RAPGEF6: variants seen among roughly 807,000 people sequenced by gnomAD.
RAPGEF6 encodes PDZ domain containing guanine nucleotide exchange factor (GEF) 2.
Under a neutral mutation model 171.4 loss-of-function variants are expected in RAPGEF6, and 56 were observed. The observed-to-expected ratio is 0.33, with a 90% confidence interval of 0.26 to 0.41. RAPGEF6 has a LOEUF of 0.41. Ranked by LOEUF, RAPGEF6 falls within the 10% of genes least tolerant of loss-of-function variation. The pLI is 1.00. For missense variants in RAPGEF6, 1,674 were observed against 1,921.4 expected (o/e 0.87, Z 2.41); for synonymous variants, 692 against 650.1 (o/e 1.06, Z -0.98).
At chr5:131,526,763 AT>A (rs1242589190) in intron 6 of RAPGEF6, among the ~76,000 whole-genome samples, 1 of 151,770 alleles carries the variant, frequency 6.6e-6, no homozygotes, top group Non-Finnish European at 1.5e-5. Context: ...AAAACTTCCC[AT>A]TTTCCACAGC....
chr5:131,460,112 A>G (rs142160678), intron 19 of RAPGEF6, among the ~76,000 whole-genome samples: 128 of 152,346 alleles, frequency 8.4e-4, no homozygotes, highest in African/African-American at 3.0e-3. Context: ...TACATGAGCT[A>G]TGAAAATGTG....
intron 5 of RAPGEF6, among the ~76,000 whole-genome samples, chr5:131,557,250 A>AG (rs35096731): frequency 0.78 from 118,750 of 152,070 alleles, 46,709 homozygotes; most frequent in African/African-American, 0.84. Context: ...ACTGATTTAA[A>AG]AAGATCTAAA....
chr5:131,488,049 T>G (rs1211490336), intron 15 of RAPGEF6, among the ~76,000 whole-genome samples: 1 of 152,144 alleles, frequency 6.6e-6, no homozygotes, highest in Admixed American at 6.5e-5. Context: ...TTCTCCTTGG[T>G]GTTTTGCTTT....
At chr5:131,521,702 A>C (rs1159576832) in intron 6 of RAPGEF6, among the ~76,000 whole-genome samples, 181 bp from the exon 7 acceptor site, 1 of 152,126 alleles carries the variant, frequency 6.6e-6, no homozygotes, top group African/African-American at 2.4e-5. Context: ...TGAAACTATT[A>C]GACAATCCTA....
chr5:131,531,593 T>A (rs1580981183), intron 6 of RAPGEF6, among the ~76,000 whole-genome samples: 1 of 152,212 alleles, frequency 6.6e-6, no homozygotes, highest in African/African-American at 2.4e-5. Flanking sequence ...TTTCATATAA[T>A]TGATTTTCAT....
intron 15 of RAPGEF6, among the ~76,000 whole-genome samples, chr5:131,487,038 G>T (rs1755941623): frequency 6.6e-6 from 1 of 152,082 alleles, no homozygotes; most frequent in Non-Finnish European, 1.5e-5. Flanking sequence ...GTCCAGAGTT[G>T]GTTCCTTCCG....
intron 17 of RAPGEF6, 114 bp from the exon 18 acceptor site, chr5:131,464,395 T>C (rs1391548421): frequency 1.4e-5 from 11 of 758,980 alleles, no homozygotes; most frequent in Non-Finnish European, 2.2e-5. Flanking sequence ...TACATTTCTA[T>C]TTCACAATAT....
chr5:131,472,274 T>C (rs1754796910), intron 17 of RAPGEF6: 2 of 356,346 alleles, frequency 5.6e-6, no homozygotes, highest in Admixed American at 3.8e-5. Flanking sequence ...TGTTTCACCA[T>C]GTTAGCCAGG....
chr5:131,484,134 C>T (rs1277787168), intron 15 of RAPGEF6, among the ~76,000 whole-genome samples: 18 of 146,858 alleles, frequency 1.2e-4, no homozygotes, highest in Admixed American at 1.2e-3. Flanking sequence ...AAAGAAATGC[C>T]AAAACACACA....
chr5:131,614,824 T>C lies in RAPGEF6; in HGVS notation c.70-10131A>G, dbSNP rs542915059. Among the ~76,000 whole-genome samples the C allele has an allele frequency of 3.9e-5, 6 of 152,378 alleles. No homozygotes were observed. The South Asian group carries it at 6.2e-4, about 16-fold the overall frequency. On this transcript the variant is annotated intron_variant, in intron 1 of 27. Coordinates refer to ENST00000509018, the MANE Select transcript of RAPGEF6 (RefSeq NM_016340.6). ...GCCTGTTTTTCTAGTATCCCAAGCC[T>C]AGCCCCAAGTCTGGTTTTCCAGTAT... is the stretch of plus-strand genomic sequence containing the variant.
intron 17 of RAPGEF6, among the ~76,000 whole-genome samples, chr5:131,465,700 T>C (rs1283561117): frequency 2.0e-5 from 3 of 152,100 alleles, no homozygotes; most frequent in South Asian, 2.1e-4. Context: ...GGAGCATCAC[T>C]TGAGCCTGGG....
intron 19 of RAPGEF6, among the ~76,000 whole-genome samples, chr5:131,456,935 G>A (rs186882751): frequency 3.9e-5 from 6 of 152,122 alleles, no homozygotes; most frequent in South Asian, 2.1e-4. Context: ...AAAAATAGTC[G>A]AGGTCAAACA....
intron 6 of RAPGEF6, among the ~76,000 whole-genome samples, 162 bp downstream of exon 6, chr5:131,547,885 A>C (rs891777763): frequency 5.9e-5 from 9 of 152,140 alleles, no homozygotes; most frequent in South Asian, 2.1e-4. Context: ...ATTCCTAACC[A>C]ATTCAACCAA....
intron 24 of RAPGEF6, chr5:131,435,751 C>A (rs186692017): frequency 9.2e-7 from 1 of 1,088,982 alleles, no homozygotes. Context: ...ATAAAGTCAA[C>A]TACAGAAAAC....
chr5:131,502,988 A>T (rs183082141), intron 11 of RAPGEF6, among the ~76,000 whole-genome samples: 2 of 152,212 alleles, frequency 1.3e-5, no homozygotes, highest in Admixed American at 1.3e-4. Flanking sequence ...TTTTTAGTAG[A>T]AATAGGGTTT....
chr5:131,536,671 T>A (rs1019762323), intron 6 of RAPGEF6, among the ~76,000 whole-genome samples: 13 of 152,164 alleles, frequency 8.5e-5, no homozygotes, highest in African/African-American at 3.1e-4. Context: ...TAAGCTTCTA[T>A]AATTAGAATC....
chr5:131,618,492 G>C (rs943988437), intron 1 of RAPGEF6, among the ~76,000 whole-genome samples: 2 of 151,984 alleles, frequency 1.3e-5, no homozygotes, highest in African/African-American at 4.8e-5. Context: ...ACAAAAATTA[G>C]CCGGGTGTGA....
intron 4 of RAPGEF6, among the ~76,000 whole-genome samples, chr5:131,587,393 G>A (rs2149998243): frequency 6.6e-6 from 1 of 152,338 alleles, no homozygotes; most frequent in East Asian, 1.9e-4. Flanking sequence ...CAGGAAACTG[G>A]TGTTGAGGAA....
intron 24 of RAPGEF6, among the ~76,000 whole-genome samples, chr5:131,438,105 C>T (rs1370151930): frequency 7.0e-5 from 8 of 114,570 alleles, no homozygotes; most frequent in Non-Finnish European, 9.5e-5. Context: ...TCTCCTGCCT[C>T]GGCCTCCTGA....
Sources: gnomAD v4.1 joint callset for allele counts (sites outside exome capture counted in the v4.1 genomes callset) on GRCh38, gnomAD v4.1.1 for gene constraint, MANE v1.5 for transcripts, NCBI Gene and HGNC (gene_info 2026-07-23, HGNC 2026-07-21) for gene names.